TNPO1: variants seen among roughly 807,000 people sequenced by gnomAD.
TNPO1 encodes the protein transportin-1.
A neutral mutation model predicts 119.5 loss-of-function variants in TNPO1; 8 were observed. The ratio of observed to expected loss-of-function variants is 0.07; its 90% confidence interval spans 0.04 to 0.12. TNPO1 has a LOEUF of 0.12. Ranked by LOEUF, TNPO1 falls within the 10% of genes least tolerant of loss-of-function variation. TNPO1 has a pLI of 1.00. For synonymous variants in TNPO1, 362 were observed against 363.0 expected, an observed-to-expected ratio of 1.00 and a Z score of 0.03; for missense variants, 576 against 1,089.8, an observed-to-expected ratio of 0.53 and a Z score of 6.64.
chr5:72,865,124 C>T (rs922323378), intron 5 of TNPO1, among the ~76,000 whole-genome samples: 2 of 152,148 alleles, frequency 1.3e-5, no homozygotes, highest in Middle Eastern at 3.4e-3. Flanking sequence ...TTTACATACT[C>T]GATGATATAA....
rs35315909 is a variant in TNPO1, at chr5:72,909,120, C to CT, written c.*462dup. ...ATGGGAGTTACAAATAGTAAAGAAG[C>CT]TTTTTTTTTTTTTTTAATTTAAAGT... On this transcript the variant is annotated 3_prime_UTR_variant, in exon 25 of 25. Coordinates refer to ENST00000337273, the MANE Select transcript of TNPO1 (RefSeq NM_002270.4). The CT allele has an allele frequency of 2.3e-3, 337 of 145,510 alleles. 1 individual carries two copies. Among genetic ancestry groups the CT allele is most frequent in the African/African-American group, 7.2e-3 (286 of 39,488 alleles). 9.0% of individuals were successfully genotyped at this position (145,510 alleles called of 1,614,324 possible).
intron 24 of TNPO1, among the ~76,000 whole-genome samples, chr5:72,906,643 T>G (rs903669228): frequency 6.6e-6 from 1 of 152,218 alleles, no homozygotes; most frequent in Non-Finnish European, 1.5e-5. Context: ...TAATTTGGGA[T>G]GGACTATATT....
chr5:72,893,012 C>T, intron 15 of TNPO1, 127 bp from the exon 16 acceptor site: 1 of 643,460 alleles, frequency 1.6e-6, no homozygotes, highest in South Asian at 1.9e-5. Flanking sequence ...GGAGGGGAAC[C>T]TGCTACTGTA....
intron 1 of TNPO1, among the ~76,000 whole-genome samples, chr5:72,841,312 T>C (rs1344295790): frequency 6.6e-6 from 1 of 152,102 alleles, no homozygotes; most frequent in East Asian, 1.9e-4. Flanking sequence ...AGAGATGGGG[T>C]TTCACCATGT....
intron 12 of TNPO1, 91 bp from the exon 13 acceptor site, chr5:72,887,987 A>AT: frequency 8.0e-7 from 1 of 1,247,066 alleles, no homozygotes; most frequent in Non-Finnish European, 1.1e-6. Context: ...AATATTCTGA[A>AT]TTTTTTCATA....
intron 1 of TNPO1, among the ~76,000 whole-genome samples, chr5:72,847,557 C>A (rs1040430299): frequency 6.6e-6 from 1 of 152,196 alleles, no homozygotes; most frequent in Non-Finnish European, 1.5e-5. Context: ...TGTGAAAATA[C>A]TTTAATGGAA....
At chr5:72,898,760 G>A (rs1413076979) in intron 20 of TNPO1, among the ~76,000 whole-genome samples, 1 of 152,100 alleles carries the variant, frequency 6.6e-6, no homozygotes, top group African/African-American at 2.4e-5. Context: ...TGTTTAATGA[G>A]AATGTTGCAT....
rs114155399 is a variant in TNPO1, at chr5:72,907,232, A to T, written c.*36-1477A>T. Among the ~76,000 whole-genome samples, 708 of 152,290 alleles carry T rather than the reference A, an allele frequency of 4.6e-3. 4 individuals carry two copies. Among genetic ancestry groups the T allele is most frequent in the African/African-American group, 0.016 (685 of 41,546 alleles). ...ATGTTAAATTATGAGAATGCAAAAGATGAGAATGACTTGTAGCTTCAAAGC... is the reference window on the plus strand; with the variant it reads ...ATGTTAAATTATGAGAATGCAAAAGTTGAGAATGACTTGTAGCTTCAAAGC... On this transcript the variant is annotated intron_variant, in intron 24 of 24. Coordinates refer to ENST00000337273, the MANE Select transcript of TNPO1 (RefSeq NM_002270.4).
intron 11 of TNPO1, among the ~76,000 whole-genome samples, chr5:72,885,492 T>TA (rs1330704521): frequency 2.6e-5 from 4 of 152,248 alleles, no homozygotes; most frequent in African/African-American, 7.2e-5. Flanking sequence ...TGGGAAAACA[T>TA]ACAGGCATCT....
In TNPO1 at chr5:72,891,822, A is replaced by C; in HGVS notation, c.1714A>C (p.Met572Leu). ...TCATTGTAAATAGGAATATATTCAG[A>C]TGCTAATGCCTCCACTGATCCAGAA... ...HHLNKPEYIQ[M>L]LMPPLIQKWN... The change falls in exon 15 of 25, where the codon ATG becomes CTG. Residue 572 changes from methionine (M) to leucine (L), a missense_variant. Met to Leu is a conservative substitution (Grantham distance 15). Coordinates refer to ENST00000337273, the MANE Select transcript of TNPO1 (RefSeq NM_002270.4). 1 of 1,607,906 alleles carries C rather than the reference A, an allele frequency of 6.2e-7. No homozygotes were observed. Among genetic ancestry groups the C allele is most frequent in the Non-Finnish European group, 8.5e-7 (1 of 1,176,570 alleles).
At chr5:72,848,643 G>T in intron 2 of TNPO1, 145 bp downstream of exon 2, 1 of 309,814 alleles carries the variant, frequency 3.2e-6, no homozygotes, top group Non-Finnish European at 5.7e-6. Flanking sequence ...CCGGGCGCGG[G>T]GGAAGCCGCC....
At chr5:72,848,127 G>A (rs1729034512) in intron 1 of TNPO1, 2 of 1,174,598 alleles carry the variant, frequency 1.7e-6, no homozygotes, top group Non-Finnish European at 2.1e-6. Context: ...CGGTGACTCA[G>A]TCTGGTCGGC....
At chr5:72,859,864 T>C (rs1428462651) in intron 4 of TNPO1, among the ~76,000 whole-genome samples, 1 of 152,242 alleles carries the variant, frequency 6.6e-6, no homozygotes, top group African/African-American at 2.4e-5. Context: ...CTGAGAAATA[T>C]TAAGTTATGC....
intron 19 of TNPO1, among the ~76,000 whole-genome samples, chr5:72,896,854 C>T (rs572474179): frequency 1.7e-4 from 26 of 152,086 alleles, no homozygotes; most frequent in African/African-American, 4.1e-4. Flanking sequence ...GGTGACGGAG[C>T]GAAACTTTGT....
chr5:72,848,613 G>A, intron 2 of TNPO1, 115 bp downstream of exon 2: 1 of 451,776 alleles, frequency 2.2e-6, no homozygotes, highest in Non-Finnish European at 3.5e-6. Flanking sequence ...CATCCTCCGA[G>A]ACCGGCCTCC....
chr5:72,898,976 CT>C (rs1749633510), intron 20 of TNPO1, among the ~76,000 whole-genome samples: 1 of 151,708 alleles, frequency 6.6e-6, no homozygotes, highest in African/African-American at 2.4e-5. Context: ...GTATTTTTTC[CT>C]GTTGTGTATG....
At position 72,822,307 on chromosome 5, in the gene TNPO1, C is replaced by G. The variant is rs115819106; in HGVS notation, c.15+5555C>G. On this transcript the variant is annotated intron_variant, in intron 1 of 24. Coordinates refer to ENST00000337273, the MANE Select transcript of TNPO1 (RefSeq NM_002270.4). ...GATTTACCTCACCAGCAGAAAAATGCAAAGTAAAGCAGTGACTTTTTTTTT... is the reference window on the plus strand; with the variant it reads ...GATTTACCTCACCAGCAGAAAAATGGAAAGTAAAGCAGTGACTTTTTTTTT... Among the ~76,000 whole-genome samples the G allele has an allele frequency of 2.7e-3, 381 of 142,184 alleles. 1 individual carries two copies. The highest frequency in any genetic ancestry group is 9.1e-3 in the African/African-American group (362 of 39,602). The allele number at this position is 142,184 out of a possible 152,430, so 93.3% of individuals were successfully genotyped here. A position where few individuals can be genotyped will look rare whatever the true frequency, so the allele number is the denominator to read the frequency against.
intron 13 of TNPO1, among the ~76,000 whole-genome samples, chr5:72,889,409 G>A (rs1580461642): frequency 6.6e-6 from 1 of 152,062 alleles, no homozygotes; most frequent in Admixed American, 6.6e-5. Flanking sequence ...GTCATATCTG[G>A]AAGATATTAA....
chr5:72,899,354 T>G (rs1255443746), intron 20 of TNPO1, among the ~76,000 whole-genome samples: 1 of 152,190 alleles, frequency 6.6e-6, no homozygotes, highest in African/African-American at 2.4e-5. Flanking sequence ...AGCAATATTC[T>G]AATCCATTCA....
Sources: allele counts gnomAD v4.1 joint callset (sites outside exome capture counted in the v4.1 genomes callset), GRCh38; gene constraint gnomAD v4.1.1; transcripts MANE v1.5; gene names NCBI Gene and HGNC (gene_info 2026-07-23, HGNC 2026-07-21).